The following TMEM132D variants were observed in gnomAD, a reference collection of about 807,000 sequenced individuals.
TMEM132D encodes the protein transmembrane protein 132D.
TMEM132D carries 21 observed loss-of-function variants against 62.3 expected under a neutral mutation model. The observed-to-expected ratio is 0.34, with a 90% CI of 0.24 to 0.49. The LOEUF (loss-of-function observed/expected upper bound fraction) is 0.49. TMEM132D is among the 20% of genes least tolerant of loss of function. The pLI is 0.99. For missense variants in TMEM132D, 1,346 were observed against 1,402.8 expected (o/e 0.96, Z 0.65); for synonymous variants, 621 against 575.6 (o/e 1.08, Z -1.13).
intron 4 of TMEM132D, among the ~76,000 whole-genome samples, chr12:129,287,028 A>T (rs1164011807): frequency 6.6e-6 from 1 of 150,738 alleles, no homozygotes; most frequent in East Asian, 2.0e-4. Context: ...AGCCTGGGCA[A>T]CAGAGTGAGA....
chr12:129,443,585 T>C (rs1158854810), intron 3 of TMEM132D, among the ~76,000 whole-genome samples: 2 of 151,986 alleles, frequency 1.3e-5, no homozygotes, highest in African/African-American at 4.8e-5. Flanking sequence ...CCTTCTCCCT[T>C]CCTCTTTCTC....
intron 4 of TMEM132D, among the ~76,000 whole-genome samples, chr12:129,265,224 C>T (rs1880654453): frequency 6.6e-6 from 1 of 152,154 alleles, no homozygotes; most frequent in Admixed American, 6.5e-5. Flanking sequence ...TCATGTGACA[C>T]ACTGGAGCTG....
chr12:129,433,545 C>T (rs1362430953), intron 3 of TMEM132D, among the ~76,000 whole-genome samples: 1 of 152,164 alleles, frequency 6.6e-6, no homozygotes, highest in African/African-American at 2.4e-5. Flanking sequence ...AACCCAAATA[C>T]AATTACAATT....
At chr12:129,407,333 T>C (rs954107528) in intron 3 of TMEM132D, among the ~76,000 whole-genome samples, 2 of 152,190 alleles carry the variant, frequency 1.3e-5, no homozygotes, top group Non-Finnish European at 1.5e-5. Flanking sequence ...ACACTCTTTG[T>C]CACTTCTTCG....
chr12:129,130,970 C>T (rs1459527727), intron 5 of TMEM132D, among the ~76,000 whole-genome samples: 1 of 152,250 alleles, frequency 6.6e-6, no homozygotes, highest in Non-Finnish European at 1.5e-5. Flanking sequence ...TCTGATTCAA[C>T]CGGGCAGTGG....
intron 3 of TMEM132D, among the ~76,000 whole-genome samples, chr12:129,463,288 G>A (rs1044911059): frequency 3.3e-5 from 5 of 151,692 alleles, no homozygotes; most frequent in African/African-American, 9.7e-5. Flanking sequence ...ATTCATGAGT[G>A]CCATTTTATT....
chr12:129,576,556 A>T (rs1436582275), intron 2 of TMEM132D, among the ~76,000 whole-genome samples: 1 of 151,424 alleles, frequency 6.6e-6, no homozygotes, highest in Non-Finnish European at 1.5e-5. Context: ...ATATATACAC[A>T]TATATATGTG....
At chr12:129,306,601 C>A (rs1030803964) in intron 4 of TMEM132D, among the ~76,000 whole-genome samples, 4 of 152,144 alleles carry the variant, frequency 2.6e-5, no homozygotes. Flanking sequence ...GAACCCTGTG[C>A]AACACAATAT....
intron 2 of TMEM132D, among the ~76,000 whole-genome samples, chr12:129,594,283 T>C (rs900704): frequency 0.86 from 130,869 of 152,122 alleles, 56,367 homozygotes; most frequent in Middle Eastern, 0.89. Context: ...TCCACGTGAT[T>C]TGTACATTTC....
intron 3 of TMEM132D, among the ~76,000 whole-genome samples, chr12:129,525,224 C>CA (rs1555262804): frequency 6.2e-5 from 2 of 32,094 alleles, no homozygotes; most frequent in East Asian, 1.9e-3. Flanking sequence ...GGTGCCCAGC[C>CA]GGTTTTTTTT....
intron 4 of TMEM132D, among the ~76,000 whole-genome samples, chr12:129,286,755 A>C (rs1362709665): frequency 6.6e-6 from 1 of 152,204 alleles, no homozygotes; most frequent in Non-Finnish European, 1.5e-5. Context: ...GGCCAATAAA[A>C]GGAGACAGGG....
At chr12:129,841,971 C>T (rs1312797424) in intron 1 of TMEM132D, among the ~76,000 whole-genome samples, 2 of 150,682 alleles carry the variant, frequency 1.3e-5, no homozygotes, top group East Asian at 1.9e-4. Flanking sequence ...CGGTCTGTCC[C>T]CCAGGCTGGA....
intron 5 of TMEM132D, among the ~76,000 whole-genome samples, chr12:129,124,809 A>AT (rs934102734): frequency 6.6e-6 from 1 of 152,126 alleles, no homozygotes; most frequent in Non-Finnish European, 1.5e-5. Context: ...ATATGCCCTC[A>AT]TTTTTTGGAA....
chr12:129,800,774 G>A (rs1028876129), intron 1 of TMEM132D, among the ~76,000 whole-genome samples: 7 of 152,104 alleles, frequency 4.6e-5, no homozygotes, highest in South Asian at 2.1e-4. Flanking sequence ...CGCAGAAGAC[G>A]GGTGATTTCT....
At chr12:129,821,130 G>C (rs768808344) in intron 1 of TMEM132D, among the ~76,000 whole-genome samples, 3 of 152,156 alleles carry the variant, frequency 2.0e-5, no homozygotes, top group Non-Finnish European at 4.4e-5. Context: ...ATATTCCAGA[G>C]TGAAAACATT....
intron 5 of TMEM132D, among the ~76,000 whole-genome samples, chr12:129,107,450 A>G (rs547120005): frequency 1.3e-5 from 2 of 152,372 alleles, no homozygotes; most frequent in Non-Finnish European, 2.9e-5. Flanking sequence ...GTGAGAAAAC[A>G]TCTCTTCACA....
chr12:129,350,376 A>G (rs781519980), intron 3 of TMEM132D, among the ~76,000 whole-genome samples: 1 of 152,112 alleles, frequency 6.6e-6, no homozygotes, highest in African/African-American at 2.4e-5. Flanking sequence ...TAGTACCCCA[A>G]CTGCAGTTAA....
chr12:129,645,233 G>C (rs1205707054), intron 2 of TMEM132D, among the ~76,000 whole-genome samples: 1 of 152,060 alleles, frequency 6.6e-6, no homozygotes, highest in Non-Finnish European at 1.5e-5. Flanking sequence ...TCTGAAGGAG[G>C]CTTCACCTAC....
intron 2 of TMEM132D, among the ~76,000 whole-genome samples, chr12:129,582,934 T>G (rs969176960): frequency 5.6e-5 from 8 of 142,830 alleles, no homozygotes; most frequent in African/African-American, 2.4e-4. Context: ...CGAGTTTGTT[T>G]TTTGTTTTGT....
Sources: allele counts gnomAD v4.1 joint callset (sites outside exome capture counted in the v4.1 genomes callset), GRCh38; gene constraint gnomAD v4.1.1; transcripts MANE v1.5; gene names NCBI Gene and HGNC (gene_info 2026-07-23, HGNC 2026-07-21).